The following ZNF407 variants were observed in gnomAD, a reference collection of about 807,000 sequenced individuals.
ZNF407 encodes zinc finger protein 407.
ZNF407 carries 17 observed loss-of-function variants against 131.2 expected under a neutral mutation model. The ratio of observed to expected loss-of-function variants is 0.13; its 90% CI spans 0.09 to 0.19. The LOEUF (loss-of-function observed/expected upper bound fraction) is 0.19. ZNF407 is among the 10% of genes least tolerant of loss of function. The pLI, the probability that ZNF407 is intolerant of heterozygous loss-of-function variation, is 1.00. For synonymous variants in ZNF407, 1,156 were observed against 1,062.0 expected (o/e 1.09, Z -1.72); for missense variants, 2,681 against 2,830.6 (o/e 0.95, Z 1.20).
In ZNF407 at chr18:74,632,874, C is replaced by T. The variant is rs746516920; in HGVS notation, c.1855C>T (p.Pro619Ser). ...GCACAATATGCATTTTCTTTGCACCCCTTGTAATCTGTTCTTTTTGTCTGA... is the reference window on the plus strand; with the variant it reads ...GCACAATATGCATTTTCTTTGCACCTCTTGTAATCTGTTCTTTTTGTCTGA... Reference protein sequence around the residue: ...EKHNMHFLCTPCNLFFLSEKD... With the variant: ...EKHNMHFLCTSCNLFFLSEKD... Residue 619 changes from proline (P) to serine (S), a missense_variant, in exon 2 of 9, where the codon CCT becomes TCT. By Grantham distance (74) the Pro-to-Ser change is moderately conservative (BLOSUM62 -1). This residue lies in a region of ZNF407 where 1,789 missense variants were observed against 1,748.7 expected (regional missense o/e 1.02). Coordinates refer to ENST00000299687, the MANE Select transcript of ZNF407 (RefSeq NM_017757.3). 1 of 1,613,424 alleles carries T rather than the reference C, an allele frequency of 6.2e-7. No homozygotes were observed. Among genetic ancestry groups the T allele is most frequent in the Non-Finnish European group, 8.5e-7 (1 of 1,179,872 alleles).
Position 74,635,521 on chromosome 18 carries a change from T to C in ZNF407, c.4502T>C (p.Leu1501Ser). 1.2e-6 allele frequency: 2 copies of C among 1,612,720 alleles called. No individual in the cohort carries two copies. The highest frequency in any genetic ancestry group is 1.7e-6 in the Non-Finnish European group (2 of 1,179,222). ...CTEPFDSEQN[L>S]FLHIKGQHEE... The stretch of plus-strand genomic sequence containing the variant: ...GAGCCCTTTGATTCTGAACAGAATT[T>C]ATTTTTACATATTAAAGGACAGCAT... Residue 1501 changes from leucine (L) to serine (S), a missense_variant, in exon 2 of 9, where the codon TTA becomes TCA. Leu to Ser is a moderately radical substitution (Grantham distance 145). Around this residue, in one of 6 missense-constraint regions of ZNF407, gnomAD observed 213 missense variants for 332.2 expected, o/e 0.64. Coordinates refer to ENST00000299687, the MANE Select transcript of ZNF407 (RefSeq NM_017757.3). This position sits in a 1 kb window ranked among gnomAD's most constrained non-coding sequence, Gnocchi z 4.7.
intron 7 of ZNF407, among the ~76,000 whole-genome samples, chr18:74,895,901 C>G (rs955830932): frequency 4.6e-5 from 7 of 152,106 alleles, no homozygotes; most frequent in Admixed American, 4.6e-4. Context: ...TTCAGTTTTC[C>G]TTTTGCTTCC....
At chr18:74,693,341 G>C (rs1967275704) in intron 3 of ZNF407, among the ~76,000 whole-genome samples, 1 of 152,196 alleles carries the variant, frequency 6.6e-6, no homozygotes, top group Non-Finnish European at 1.5e-5. Context: ...ATGCATACAT[G>C]ATAATATGTT....
chr18:74,750,978 A>G (rs558078945), intron 3 of ZNF407, among the ~76,000 whole-genome samples: 15 of 152,158 alleles, frequency 9.9e-5, no homozygotes, highest in African/African-American at 3.6e-4. Flanking sequence ...CCTATTTTAT[A>G]TATTTTATGG....
At position 74,656,799 on chromosome 18, in the gene ZNF407, A is replaced by T. The variant is rs559077229; in HGVS notation, c.4802+15677A>T. ...AATGTATAGATTATTTACCAAGAAT[A>T]GGATTTTTATACTTTGATATTTATG... is the stretch of plus-strand genomic sequence containing the variant. On this transcript the variant is annotated intron_variant, in intron 3 of 8. Transcript: ENST00000299687. 2.0e-5 allele frequency among the ~76,000 whole-genome samples: 3 copies of T among 152,334 alleles called. No homozygotes were observed. In the East Asian group the frequency reaches 5.8e-4, roughly 29 times the overall value.
At chr18:74,638,553 C>T (rs977276172) in intron 2 of ZNF407, among the ~76,000 whole-genome samples, 2 of 152,140 alleles carry the variant, frequency 1.3e-5, no homozygotes, top group Non-Finnish European at 2.9e-5. Context: ...ATAGTCATGA[C>T]TGATGGTTGA....
intron 8 of ZNF407, among the ~76,000 whole-genome samples, chr18:75,021,289 G>T (rs914678187): frequency 6.6e-6 from 1 of 151,608 alleles, no homozygotes; most frequent in Non-Finnish European, 1.5e-5. Context: ...AAATAATAAA[G>T]ACAGGGTCCT....
chr18:74,917,373 A>G (rs184748412), intron 7 of ZNF407, among the ~76,000 whole-genome samples: 1 of 152,346 alleles, frequency 6.6e-6, no homozygotes, highest in Admixed American at 6.5e-5. Flanking sequence ...GTGTGTATAT[A>G]TACATCCTGT....
chr18:74,607,177 A>C (rs976617318), intron 1 of ZNF407, among the ~76,000 whole-genome samples: 5 of 152,166 alleles, frequency 3.3e-5, no homozygotes, highest in Non-Finnish European at 5.9e-5. Context: ...CCTAATGTGT[A>C]TCGGAGTCAC....
At chr18:74,835,631 T>G (rs761820995) in intron 4 of ZNF407, among the ~76,000 whole-genome samples, 61 of 42,266 alleles carry the variant, frequency 1.4e-3, no homozygotes, top group South Asian at 8.7e-3. Context: ...CAGAGGGGGG[T>G]GTGTGTGTGT....
At chr18:74,944,629 A>G (rs1415735799) in intron 8 of ZNF407, among the ~76,000 whole-genome samples, 1 of 152,252 alleles carries the variant, frequency 6.6e-6, no homozygotes, top group Non-Finnish European at 1.5e-5. Context: ...CTAAAAATTC[A>G]TCCTTGCTTT....
intron 8 of ZNF407, among the ~76,000 whole-genome samples, chr18:74,983,853 G>C (rs1972621780): frequency 6.6e-6 from 1 of 152,200 alleles, no homozygotes; most frequent in Non-Finnish European, 1.5e-5. Flanking sequence ...GCTCCTGGTG[G>C]CATTGCTGTT....
rs139129006 is a variant in ZNF407 at position 74,754,563 on chromosome 18, G to A, written c.4803-26865G>A. 3.3e-3 allele frequency among the ~76,000 whole-genome samples: 495 copies of A among 152,170 alleles called. 3 individuals carry two copies. The highest frequency in any genetic ancestry group is 0.011 in the African/African-American group (465 of 41,502). ...GGTACATTGTGTCTTTGTTCTCATT[G>A]GTTTCAAAGAACATCTTTATTTCTG... On this transcript the variant is annotated intron_variant, in intron 3 of 8. Coordinates refer to ENST00000299687, the MANE Select transcript of ZNF407 (RefSeq NM_017757.3).
intron 4 of ZNF407, among the ~76,000 whole-genome samples, chr18:74,830,219 A>G (rs1413196819): frequency 3.3e-5 from 5 of 152,192 alleles, no homozygotes; most frequent in South Asian, 2.1e-4. Context: ...AGTCTGTGGT[A>G]TTTTGTTACG....
At chr18:74,888,075 T>C (rs534850769) in intron 6 of ZNF407, among the ~76,000 whole-genome samples, 4 of 152,284 alleles carry the variant, frequency 2.6e-5, no homozygotes, top group East Asian at 3.9e-4. Context: ...AAGTAAGATA[T>C]TTTACTCCTC....
chr18:74,823,167 T>C (rs1269990793), intron 4 of ZNF407, among the ~76,000 whole-genome samples: 1 of 151,940 alleles, frequency 6.6e-6, no homozygotes, highest in Non-Finnish European at 1.5e-5. Flanking sequence ...TGCTGAGAGA[T>C]TTTTGTCACC....
chr18:74,835,420 T>A lies in ZNF407; in HGVS notation c.4878-41777T>A, dbSNP rs1970541716. ...GAAGTTGTGAATTGGTCCCCGCCTC[T>A]GAGGGTGTGCAGTTGAGATGGATGT... On this transcript the variant is annotated intron_variant, in intron 4 of 8. Coordinates refer to ENST00000299687, the MANE Select transcript of ZNF407 (RefSeq NM_017757.3). Among the ~76,000 whole-genome samples, 3 of 152,314 alleles carry A rather than the reference T, an allele frequency of 2.0e-5. No homozygotes were observed. The South Asian group carries it at 6.2e-4, about 32-fold the overall frequency.
At chr18:74,645,040 C>T (rs1482568175) in intron 3 of ZNF407, among the ~76,000 whole-genome samples, 1 of 151,968 alleles carries the variant, frequency 6.6e-6, no homozygotes, top group Non-Finnish European at 1.5e-5. Context: ...TGTCTCTCCC[C>T]AATACTTTCC....
At chr18:74,959,986 A>G (rs77721849) in intron 8 of ZNF407, among the ~76,000 whole-genome samples, 2,562 of 152,312 alleles carry the variant, frequency 0.017, 38 homozygotes, top group Middle Eastern at 0.031. Flanking sequence ...TGTATAACTC[A>G]TTTAACCAGT....
Sources: gnomAD v4.1 joint callset for allele counts (sites outside exome capture counted in the v4.1 genomes callset) on GRCh38, gnomAD v4.1.1 for gene constraint, gnomAD v4.1.1 regional missense constraint, Gnocchi (gnomAD v3.1) non-coding constraint, MANE v1.5 for transcripts, NCBI Gene and HGNC (gene_info 2026-07-23, HGNC 2026-07-21) for gene names.